PID1: variants seen among roughly 807,000 people sequenced by gnomAD.
PID1 encodes phosphotyrosine interaction domain containing 1, also known as PTB-containing, cubilin and LRP1-interacting protein.
A neutral mutation model predicts 19.1 loss-of-function variants in PID1; 10 were observed. The ratio of observed to expected loss-of-function variants is 0.52; its 90% CI spans 0.32 to 0.89. The LOEUF is 0.89. Among genes scored for constraint, PID1 ranks in the 40% least tolerant of loss-of-function variants. The pLI is 0.03. For missense variants in PID1, 248 were observed against 285.3 expected (o/e 0.87, Z 0.94); for synonymous variants, 130 against 116.0 (o/e 1.12, Z -0.78).
chr2:229,176,323 T>C (rs1235496620), intron 1 of PID1, among the ~76,000 whole-genome samples: 1 of 152,212 alleles, frequency 6.6e-6, no homozygotes, highest in African/African-American at 2.4e-5. Flanking sequence ...AGAGCTCCCC[T>C]GCTTGCCTCA....
At chr2:229,236,846 C>T (rs765893030) in intron 1 of PID1, among the ~76,000 whole-genome samples, 8 of 152,158 alleles carry the variant, frequency 5.3e-5, no homozygotes, top group Non-Finnish European at 1.2e-4. Context: ...AGCACAATAC[C>T]TCTTTATATA....
At chr2:229,228,399 T>A (rs994029352) in intron 1 of PID1, among the ~76,000 whole-genome samples, 21 of 152,330 alleles carry the variant, frequency 1.4e-4, no homozygotes, top group African/African-American at 4.6e-4. Flanking sequence ...TTTACTTTCA[T>A]GTCAAGCCTC....
chr2:229,065,169 T>C (rs1288864793), intron 2 of PID1, among the ~76,000 whole-genome samples: 1 of 152,206 alleles, frequency 6.6e-6, no homozygotes, highest in Non-Finnish European at 1.5e-5. Context: ...AACTTTGCTT[T>C]CACTTTAAAC....
chr2:229,145,147 A>ATGTG (rs560967818), intron 2 of PID1, among the ~76,000 whole-genome samples: 10 of 116,654 alleles, frequency 8.6e-5, no homozygotes, highest in Admixed American at 4.3e-4. Context: ...GTTTAAATAT[A>ATGTG]TGTATGTGTA....
At chr2:229,159,480 T>C (rs1467481051) in intron 1 of PID1, among the ~76,000 whole-genome samples, 3 of 152,194 alleles carry the variant, frequency 2.0e-5, no homozygotes, top group Non-Finnish European at 4.4e-5. Context: ...AGCCCAGACT[T>C]CCCTGAAGAA....
At chr2:229,036,199 A>G (rs1480399009) in intron 2 of PID1, among the ~76,000 whole-genome samples, 1 of 152,122 alleles carries the variant, frequency 6.6e-6, no homozygotes, top group Non-Finnish European at 1.5e-5. Flanking sequence ...CCCTCAATAA[A>G]GGCAGTTGAA....
At chr2:229,051,975 C>T (rs1246321319) in intron 2 of PID1, among the ~76,000 whole-genome samples, 1 of 152,148 alleles carries the variant, frequency 6.6e-6, no homozygotes, top group East Asian at 1.9e-4. Flanking sequence ...TCAGGATGTC[C>T]TTTGGTCCCC....
chr2:229,110,552 C>T (rs1370968363), intron 2 of PID1, among the ~76,000 whole-genome samples: 4 of 152,082 alleles, frequency 2.6e-5, no homozygotes, highest in African/African-American at 4.8e-5. Flanking sequence ...GCTGTAACAT[C>T]GGTCATCAAA....
At chr2:229,082,198 C>T (rs943902723) in intron 2 of PID1, among the ~76,000 whole-genome samples, 1 of 152,142 alleles carries the variant, frequency 6.6e-6, no homozygotes, top group Non-Finnish European at 1.5e-5. Flanking sequence ...TGGAAGAGGA[C>T]GAGGCTCCAA....
At chr2:229,121,433 T>A (rs1303745294) in intron 2 of PID1, among the ~76,000 whole-genome samples, 3 of 152,236 alleles carry the variant, frequency 2.0e-5, no homozygotes, top group African/African-American at 7.2e-5. Context: ...AAGCACTTCA[T>A]CCAAGCTATA....
intron 1 of PID1, among the ~76,000 whole-genome samples, chr2:229,255,942 G>A (rs573239712): frequency 6.6e-5 from 10 of 152,174 alleles, no homozygotes; most frequent in Non-Finnish European, 1.5e-4. Context: ...CTGCAGGTGG[G>A]CTGCGAGAGC....
At chr2:229,233,688 C>T (rs1692264679) in intron 1 of PID1, among the ~76,000 whole-genome samples, 1 of 152,106 alleles carries the variant, frequency 6.6e-6, no homozygotes, top group Admixed American at 6.5e-5. Flanking sequence ...GATTGGGCTT[C>T]ACCATGTTGG....
chr2:229,126,279 G>A (rs1695620732), intron 2 of PID1, among the ~76,000 whole-genome samples: 1 of 152,188 alleles, frequency 6.6e-6, no homozygotes, highest in African/African-American at 2.4e-5. Context: ...TCTTAAAAAT[G>A]CATTTGGAGC....
chr2:229,132,799 T>C (rs1031592565), intron 2 of PID1, among the ~76,000 whole-genome samples: 8 of 152,246 alleles, frequency 5.3e-5, no homozygotes, highest in Non-Finnish European at 8.8e-5. Context: ...ATGCTGTCAT[T>C]ATTAAATAGG....
chr2:229,230,912 C>T (rs944223161), intron 1 of PID1, among the ~76,000 whole-genome samples: 1 of 151,982 alleles, frequency 6.6e-6, no homozygotes, highest in African/African-American at 2.4e-5. Context: ...TGATTTGTTT[C>T]TTTATTTAAC....
intron 2 of PID1, among the ~76,000 whole-genome samples, chr2:229,036,505 C>A (rs577073649): frequency 6.6e-6 from 1 of 152,140 alleles, no homozygotes; most frequent in Non-Finnish European, 1.5e-5. Context: ...AATCCTAGCA[C>A]TTTGGGAGGC....
At chr2:229,114,174 A>ACACACACACACACAC (rs1695363067) in intron 2 of PID1, among the ~76,000 whole-genome samples, 1 of 124,574 alleles carries the variant, frequency 8.0e-6, no homozygotes, top group African/African-American at 2.8e-5. Context: ...TCTCCACACA[A>ACACACACACACACAC]ACACACACAC....
rs545699351 is a variant in PID1 at position 229,077,196 on chromosome 2, GTGTC to G, written c.178-51092_178-51089del. Among the ~76,000 whole-genome samples the G allele has an allele frequency of 1.9e-3, 287 of 152,302 alleles. 1 individual carries two copies. Among genetic ancestry groups the G allele is most frequent in the African/African-American group, 6.4e-3 (267 of 41,568 alleles). Reference sequence around the variant, plus strand: ...TTGGCTGCATGTCTTCTTTTGAAAAGTGTCTGTTCATATCCTTCGCCAACTTTTT... The same window carrying G: ...TTGGCTGCATGTCTTCTTTTGAAAAGTGTTCATATCCTTCGCCAACTTTTT... On this transcript the variant is annotated intron_variant, in intron 2 of 2. Transcript: ENST00000392055.
chr2:229,075,844 T>G (rs1431007680), intron 2 of PID1, among the ~76,000 whole-genome samples: 1 of 152,230 alleles, frequency 6.6e-6, no homozygotes, highest in East Asian at 1.9e-4. Context: ...CCTGGTATCT[T>G]GCTGTGTTCC....
Sources: allele counts gnomAD v4.1 joint callset (sites outside exome capture counted in the v4.1 genomes callset), GRCh38; gene constraint gnomAD v4.1.1; transcripts MANE v1.5; gene names NCBI Gene and HGNC (gene_info 2026-07-23, HGNC 2026-07-21).